Variants in HECW2 observed in about 807,000 individuals in gnomAD.
HECW2 encodes HECT, C2 and WW domain containing E3 ubiquitin protein ligase 2.
A neutral mutation model predicts 175.2 loss-of-function variants in HECW2; 61 were observed. That is an observed-to-expected ratio of 0.35 (90% CI 0.28 to 0.43). The LOEUF (loss-of-function observed/expected upper bound fraction) is 0.43, where lower values mean the gene tolerates loss of function less well. HECW2 is among the 20% of genes least tolerant of loss of function. HECW2 has a pLI of 1.00. For missense variants in HECW2, 1,524 were observed against 2,000.5 expected, an observed-to-expected ratio of 0.76 and a Z score of 4.54; for synonymous variants, 671 against 731.0, an observed-to-expected ratio of 0.92 and a Z score of 1.32.
At chr2:196,310,437 T>C (rs1306909431) in intron 10 of HECW2, among the ~76,000 whole-genome samples, 2 of 152,232 alleles carry the variant, frequency 1.3e-5, no homozygotes, top group Non-Finnish European at 2.9e-5. Flanking sequence ...ACATATCCAC[T>C]TCTACCCACG....
At chr2:196,478,206 A>G (rs1266838025) in intron 1 of HECW2, among the ~76,000 whole-genome samples, 1 of 152,226 alleles carries the variant, frequency 6.6e-6, no homozygotes, top group Non-Finnish European at 1.5e-5. Flanking sequence ...GAGAAATCAG[A>G]GTGTCACCAC....
At chr2:196,235,706 A>T (rs1688225995) in intron 21 of HECW2, among the ~76,000 whole-genome samples, 1 of 117,596 alleles carries the variant, frequency 8.5e-6, no homozygotes, top group Non-Finnish European at 1.6e-5. Flanking sequence ...CCCTGGCTGG[A>T]GTGCAGTGGC....
In HECW2 at chr2:196,542,739, G is replaced by A. The variant is rs575541854; in HGVS notation, c.-36+50769C>T. On this transcript the variant is annotated intron_variant, in intron 1 of 28. Coordinates refer to ENST00000644978, the MANE Select transcript of HECW2 (RefSeq NM_001348768.2). ...AAATGTATCCTATATAAATAATGTAGGATACAAAGATATATATGTGCATAT... is the reference window on the plus strand; with the variant it reads ...AAATGTATCCTATATAAATAATGTAAGATACAAAGATATATATGTGCATAT... Among the ~76,000 whole-genome samples the A allele has an allele frequency of 1.3e-4, 19 of 150,276 alleles. 1 individual carries two copies. In the South Asian group the frequency reaches 4.0e-3, roughly 32 times the overall value.
intron 15 of HECW2, among the ~76,000 whole-genome samples, chr2:196,278,133 A>ATATAT (rs1553489735): frequency 0.025 from 1,671 of 66,492 alleles, 442 homozygotes; most frequent in Non-Finnish European, 0.033. Context: ...ATAATTAAAA[A>ATATAT]ATATATATAT....
At chr2:196,565,596 C>A (rs1178977990) in intron 1 of HECW2, among the ~76,000 whole-genome samples, 1 of 152,182 alleles carries the variant, frequency 6.6e-6, no homozygotes, top group African/African-American at 2.4e-5. Flanking sequence ...TGAAAAATCT[C>A]TGAATAACTT....
In HECW2 at chr2:196,198,802, T is replaced by G. The variant is rs986376606; in HGVS notation, c.*2475A>C. On this transcript the variant is annotated 3_prime_UTR_variant, in exon 29 of 29. Coordinates refer to ENST00000644978, the MANE Select transcript of HECW2 (RefSeq NM_001348768.2). ...AATATTTTATATAGTTATTACTGGC[T>G]GTTTTGTTTTACTAAGAAAGAATAA... is the stretch of plus-strand genomic sequence containing the variant. The G allele has an allele frequency of 3.9e-5, 6 of 152,356 alleles. No individual in the cohort carries two copies. The East Asian group carries it at 1.2e-3, about 29-fold the overall frequency. The allele number at this position is 152,356 out of a possible 1,614,324, so 9.4% of individuals were successfully genotyped here. A position where few individuals can be genotyped will look rare whatever the true frequency, so the allele number is the denominator to read the frequency against.
chr2:196,306,881 C>G (rs1437099164), intron 12 of HECW2, among the ~76,000 whole-genome samples: 1 of 152,048 alleles, frequency 6.6e-6, no homozygotes. Flanking sequence ...GATTCTTTTT[C>G]CAGTATCCCA....
At chr2:196,574,056 C>A (rs1388109006) in intron 1 of HECW2, among the ~76,000 whole-genome samples, 1 of 151,960 alleles carries the variant, frequency 6.6e-6, no homozygotes, top group African/African-American at 2.4e-5. Context: ...ATTATAAAAT[C>A]ACTGGTGTTT....
intron 26 of HECW2, among the ~76,000 whole-genome samples, chr2:196,219,292 G>T (rs1379438814): frequency 6.6e-6 from 1 of 152,176 alleles, no homozygotes; most frequent in African/African-American, 2.4e-5. Context: ...ATAATTTTCA[G>T]AAAATGTATT....
At chr2:196,574,991 T>C (rs1311233066) in intron 1 of HECW2, among the ~76,000 whole-genome samples, 1 of 150,254 alleles carries the variant, frequency 6.7e-6, no homozygotes, top group South Asian at 2.1e-4. Flanking sequence ...GGTGAAAGGA[T>C]TGCTGCTTGA....
intron 13 of HECW2, among the ~76,000 whole-genome samples, 171 bp downstream of exon 13, chr2:196,306,317 G>C (rs112986426): frequency 2.0e-5 from 3 of 152,108 alleles, no homozygotes; most frequent in East Asian, 3.8e-4. Context: ...GAACTCAAAC[G>C]GTTTCTTTGG....
rs780790831 is a variant in HECW2, at chr2:196,319,735, T to G, written c.1155A>C (p.Ser385=). 1 of 1,614,094 alleles carries G rather than the reference T, an allele frequency of 6.2e-7. No individual in the cohort carries two copies. Among genetic ancestry groups the G allele is most frequent in the Non-Finnish European group, 8.5e-7 (1 of 1,180,050 alleles). The part of the protein sequence containing the change: ...DSAADGTPKH[S]FRTSSTLEID... ...TTTCCAGAGTGGAGCTAGTCCTGAA[T>G]GAATGCTTGGGGGTTCCATCGGCAG... Residue 385 remains serine, a synonymous_variant, in exon 9 of 29, where the codon TCA becomes TCC. Transcript: ENST00000644978.
intron 1 of HECW2, among the ~76,000 whole-genome samples, chr2:196,474,720 C>CT (rs1226090020): frequency 6.6e-6 from 1 of 152,118 alleles, no homozygotes; most frequent in Non-Finnish European, 1.5e-5. Flanking sequence ...CCATTGCCAT[C>CT]TTTTTTTAGG....
chr2:196,366,896 CA>C (rs776521246), intron 2 of HECW2, among the ~76,000 whole-genome samples: 3 of 151,854 alleles, frequency 2.0e-5, no homozygotes, highest in Non-Finnish European at 4.4e-5. Context: ...TATTGTAAAC[CA>C]GGGGGAATTT....
At chr2:196,533,244 T>C (rs1483637709) in intron 1 of HECW2, among the ~76,000 whole-genome samples, 1 of 152,226 alleles carries the variant, frequency 6.6e-6, no homozygotes, top group Non-Finnish European at 1.5e-5. Flanking sequence ...CAGGTAATCT[T>C]AACCTCTGTA....
At chr2:196,250,696 T>C (rs1239825199) in intron 19 of HECW2, among the ~76,000 whole-genome samples, 1 of 152,116 alleles carries the variant, frequency 6.6e-6, no homozygotes, top group African/African-American at 2.4e-5. Context: ...AGTTGGCCTG[T>C]GTTTCTTCCT....
intron 1 of HECW2, among the ~76,000 whole-genome samples, chr2:196,544,103 G>T (rs1002689904): frequency 1.3e-5 from 2 of 152,140 alleles, no homozygotes; most frequent in Non-Finnish European, 2.9e-5. Flanking sequence ...CTCAAAGCAG[G>T]CACTATAAAA....
chr2:196,315,638 C>T (rs1222240545), intron 10 of HECW2: 3 of 152,168 alleles, frequency 2.0e-5, no homozygotes, highest in African/African-American at 7.2e-5. Flanking sequence ...TTAAAAGGAA[C>T]TGCCAATTGT....
chr2:196,580,874 A>G (rs1216360235), intron 1 of HECW2, among the ~76,000 whole-genome samples: 1 of 152,222 alleles, frequency 6.6e-6, no homozygotes, highest in Non-Finnish European at 1.5e-5. Flanking sequence ...TATTCATAAT[A>G]GCCGAAAAAT....
Sources: gnomAD v4.1 joint callset for allele counts (sites outside exome capture counted in the v4.1 genomes callset) on GRCh38, gnomAD v4.1.1 for gene constraint, MANE v1.5 for transcripts, NCBI Gene and HGNC (gene_info 2026-07-23, HGNC 2026-07-21) for gene names.